Variants in DAB1 observed in about 807,000 individuals in gnomAD.
The protein encoded by DAB1 is DAB adaptor protein 1, also known as disabled homolog 1.
DAB1 carries 15 observed loss-of-function variants against 64.6 expected under a neutral mutation model. The observed-to-expected ratio is 0.23, with a 90% CI of 0.16 to 0.36. The LOEUF is 0.36. Ranked by LOEUF, DAB1 falls within the 10% of genes least tolerant of loss-of-function variation. The pLI, the probability that DAB1 is intolerant of heterozygous loss-of-function variation, is 1.00. For missense variants in DAB1, 596 were observed against 706.7 expected, an observed-to-expected ratio of 0.84 and a Z score of 1.78; for synonymous variants, 235 against 251.9, an observed-to-expected ratio of 0.93 and a Z score of 0.64.
At chr1:57,647,279 C>T (rs1646203541) in intron 7 of DAB1, among the ~76,000 whole-genome samples, 2 of 152,296 alleles carry the variant, frequency 1.3e-5, no homozygotes, top group South Asian at 4.1e-4. Context: ...ACATCGCCTC[C>T]ACTACCTTCA....
chr1:58,315,361 T>G (rs1557729488), intron 4 of DAB1, among the ~76,000 whole-genome samples: 1 of 152,176 alleles, frequency 6.6e-6, no homozygotes. Context: ...ACTCCATTTG[T>G]GCCAAATTCC....
intron 7 of DAB1, among the ~76,000 whole-genome samples, chr1:57,526,243 G>A (rs1431476844): frequency 2.0e-5 from 3 of 152,032 alleles, no homozygotes; most frequent in African/African-American, 7.2e-5. Flanking sequence ...GCCTTAAATA[G>A]CATTTTTATA....
intron 6 of DAB1, among the ~76,000 whole-genome samples, chr1:57,803,368 A>G (rs1328537837): frequency 6.6e-6 from 1 of 152,156 alleles, no homozygotes; most frequent in Non-Finnish European, 1.5e-5. Flanking sequence ...TTAAAGGGGG[A>G]GTTAAGAACA....
rs181938418 is a variant in DAB1 at position 57,561,111 on chromosome 1, G to C, written n.625+88481C>G. Among the ~76,000 whole-genome samples the C allele has an allele frequency of 6.6e-5, 10 of 152,232 alleles. No individual in the cohort carries two copies. In the East Asian group the frequency reaches 1.6e-3, roughly 24 times the overall value. The stretch of plus-strand genomic sequence containing the variant: ...ATGAGGAAGTGGCTCAAATGCCCAT[G>C]GTCTCCATTTCTGCCACCCTGCCTC... On this transcript the variant is annotated intron_variant and non_coding_transcript_variant, in intron 7 of 20. Transcript: ENST00000485760.
At chr1:57,030,291 C>T (rs1388220973) in intron 9 of DAB1, among the ~76,000 whole-genome samples, 1 of 152,218 alleles carries the variant, frequency 6.6e-6, no homozygotes, top group Non-Finnish European at 1.5e-5. Context: ...TACAATTAAA[C>T]CTCTTTTTCT....
At chr1:58,300,456 A>C (rs970039865) in intron 4 of DAB1, among the ~76,000 whole-genome samples, 2 of 151,362 alleles carry the variant, frequency 1.3e-5, no homozygotes, top group African/African-American at 4.9e-5. Flanking sequence ...CTGACACAGG[A>C]GAATCGCTTG....
intron 3 of DAB1, among the ~76,000 whole-genome samples, chr1:58,413,080 AT>A (rs1017358212): frequency 9.9e-5 from 15 of 152,234 alleles, no homozygotes; most frequent in African/African-American, 3.6e-4. Context: ...GACATCATTT[AT>A]AAAATGAGGA....
intron 4 of DAB1, among the ~76,000 whole-genome samples, chr1:58,238,919 T>C (rs1317687637): frequency 6.6e-6 from 1 of 152,118 alleles, no homozygotes; most frequent in Non-Finnish European, 1.5e-5. Context: ...TAGAAGGGCA[T>C]GTTAAAAGAA....
intron 4 of DAB1, among the ~76,000 whole-genome samples, chr1:58,181,375 C>G (rs1375453400): frequency 6.6e-6 from 1 of 152,046 alleles, no homozygotes; most frequent in African/African-American, 2.4e-5. Context: ...ATAGTAGGAT[C>G]TTCTTTTATT....
chr1:57,636,994 T>C (rs1302327579), intron 7 of DAB1, among the ~76,000 whole-genome samples: 3 of 152,216 alleles, frequency 2.0e-5, no homozygotes, highest in Non-Finnish European at 4.4e-5. Context: ...TACATATTTG[T>C]AAAGCTGTAC....
chr1:57,403,146 T>C (rs539630229), intron 1 of DAB1, among the ~76,000 whole-genome samples: 3 of 152,198 alleles, frequency 2.0e-5, no homozygotes, highest in Non-Finnish European at 4.4e-5. Context: ...GTCCCGGCCA[T>C]TGAGTATGAA....
intron 7 of DAB1, among the ~76,000 whole-genome samples, chr1:57,573,104 T>A (rs1645211480): frequency 6.6e-6 from 1 of 152,178 alleles, no homozygotes; most frequent in South Asian, 2.1e-4. Flanking sequence ...GGTGTTTTTT[T>A]AGAGACAGGG....
chr1:57,003,137 G>T (rs1645932898), intron 14 of DAB1, among the ~76,000 whole-genome samples: 1 of 152,206 alleles, frequency 6.6e-6, no homozygotes, highest in Non-Finnish European at 1.5e-5. Flanking sequence ...TAGGAAAATT[G>T]TGCAGAATGA....
chr1:58,403,618 C>G (rs1644591022), intron 3 of DAB1, among the ~76,000 whole-genome samples: 1 of 152,182 alleles, frequency 6.6e-6, no homozygotes, highest in East Asian at 1.9e-4. Flanking sequence ...TTTAACCTCT[C>G]TGAGCCTCAA....
At chr1:57,233,543 G>A (rs1299489717) in intron 2 of DAB1, among the ~76,000 whole-genome samples, 7 of 151,848 alleles carry the variant, frequency 4.6e-5, no homozygotes, top group Non-Finnish European at 1.0e-4. Flanking sequence ...GGTGGATCAC[G>A]AGGTCAGGGG....
chr1:57,833,034 G>A (rs948161537), intron 1 of DAB1, among the ~76,000 whole-genome samples: 6 of 148,842 alleles, frequency 4.0e-5, no homozygotes, highest in African/African-American at 1.5e-4. Context: ...GGACAACAAG[G>A]AAATAAGTGA....
At chr1:57,569,252 G>A (rs187864477) in intron 7 of DAB1, among the ~76,000 whole-genome samples, 3,808 of 10,242 alleles carry the variant, frequency 0.37, 168 homozygotes, top group Admixed American at 0.53. Flanking sequence ...GCGAGACTCC[G>A]TCTCAAAAAA....
intron 5 of DAB1, among the ~76,000 whole-genome samples, chr1:57,978,048 G>T (rs1349484816): frequency 6.6e-6 from 1 of 152,054 alleles, no homozygotes; most frequent in African/African-American, 2.4e-5. Flanking sequence ...TTTCTTCACA[G>T]AATTGCAAAA....
chr1:57,397,593 A>T (rs555979882), intron 1 of DAB1, among the ~76,000 whole-genome samples: 1 of 152,310 alleles, frequency 6.6e-6, no homozygotes, highest in Admixed American at 6.5e-5. Context: ...AGTCACTGCC[A>T]TGTATGGGAG....
Sources: allele counts gnomAD v4.1 joint callset (sites outside exome capture counted in the v4.1 genomes callset), GRCh38; gene constraint gnomAD v4.1.1; transcripts MANE v1.5; gene names NCBI Gene and HGNC (gene_info 2026-07-23, HGNC 2026-07-21).